KANK1: variants seen among roughly 807,000 people sequenced by gnomAD.
KANK1 encodes KN motif and ankyrin repeat domains 1, also known as KN motif and ankyrin repeat domain-containing protein 1.
KANK1 carries 109 observed loss-of-function variants against 106.2 expected under a neutral mutation model. That is an observed-to-expected ratio of 1.03 (90% CI 0.88 to 1.20). The LOEUF is 1.20. Ranked by LOEUF, KANK1 falls within the 50% of genes most tolerant of loss-of-function variation. KANK1 has a pLI of 0.00. For missense variants in KANK1, 2,399 were observed against 1,710.7 expected, an observed-to-expected ratio of 1.40 and a Z score of -7.10; for synonymous variants, 873 against 652.2, an observed-to-expected ratio of 1.34 and a Z score of -5.16.
At chr9:717,411 C>A (rs769705212) in intron 3 of KANK1, among the ~76,000 whole-genome samples, 2 of 152,220 alleles carry the variant, frequency 1.3e-5, no homozygotes, top group African/African-American at 4.8e-5. Context: ...TCCATGCTTG[C>A]ACGTCTGTAT....
chr9:615,980 G>A (rs544704781), intron 1 of KANK1, among the ~76,000 whole-genome samples: 5 of 152,280 alleles, frequency 3.3e-5, no homozygotes, highest in African/African-American at 9.6e-5. Context: ...GCCCAGACAA[G>A]CCTCTTGAGG....
At chr9:657,212 T>C (rs116372046) in intron 1 of KANK1, among the ~76,000 whole-genome samples, 93 of 152,344 alleles carry the variant, frequency 6.1e-4, no homozygotes, top group African/African-American at 2.1e-3. Context: ...ATTTCCTTTT[T>C]TGTAGGCTAG....
At chr9:507,073 C>T (rs7047249) in intron 1 of KANK1, among the ~76,000 whole-genome samples, 3,305 of 151,528 alleles carry the variant, frequency 0.022, 123 homozygotes, top group South Asian at 0.11. Context: ...GAAAAGTCAA[C>T]TTGTTTTCAA....
At chr9:741,543 A>G (rs1835531424) in intron 9 of KANK1, among the ~76,000 whole-genome samples, 1 of 145,874 alleles carries the variant, frequency 6.9e-6, no homozygotes, top group Non-Finnish European at 1.5e-5. Context: ...GCTGGAGTGC[A>G]GTGGTGCGAT....
intron 3 of KANK1, among the ~76,000 whole-genome samples, chr9:485,202 G>C (rs1324924756): frequency 6.6e-6 from 1 of 152,192 alleles, no homozygotes; most frequent in African/African-American, 2.4e-5. Context: ...TGGCCAATCA[G>C]AGCATCACAT....
chr9:729,642 A>G (rs763147132), intron 3 of KANK1, among the ~76,000 whole-genome samples: 89 of 152,226 alleles, frequency 5.8e-4, no homozygotes, highest in Non-Finnish European at 8.7e-4. Context: ...AGTGTGGACT[A>G]CATTTCCTGA....
At chr9:498,134 A>G (rs1293347729) in intron 3 of KANK1, among the ~76,000 whole-genome samples, 2 of 152,236 alleles carry the variant, frequency 1.3e-5, no homozygotes, top group African/African-American at 4.8e-5. Flanking sequence ...ACTTAATGAA[A>G]GAGGCACAGG....
intron 1 of KANK1, among the ~76,000 whole-genome samples, chr9:645,388 C>T (rs1839437627): frequency 3.0e-5 from 4 of 133,510 alleles, no homozygotes; most frequent in South Asian, 2.4e-4. Context: ...TGTAGTGATC[C>T]AAGATCATAC....
At chr9:648,419 C>A (rs958023920) in intron 1 of KANK1, among the ~76,000 whole-genome samples, 11 of 152,154 alleles carry the variant, frequency 7.2e-5, no homozygotes, top group Admixed American at 2.6e-4. Context: ...AGATTTGCCA[C>A]CTCTGGGTCA....
chr9:488,584 A>G (rs886273123), intron 3 of KANK1, among the ~76,000 whole-genome samples: 14 of 152,208 alleles, frequency 9.2e-5, no homozygotes, highest in Non-Finnish European at 1.9e-4. Flanking sequence ...AGCAGTTCTG[A>G]TAACATCCTT....
chr9:646,019 T>C (rs1344540022), intron 1 of KANK1, among the ~76,000 whole-genome samples: 3 of 150,854 alleles, frequency 2.0e-5, no homozygotes, highest in Non-Finnish European at 2.9e-5. Flanking sequence ...GTCTGAGGCA[T>C]AGTAGTAGAC....
chr9:735,919 C>T (rs113013001), intron 7 of KANK1: 8 of 238,736 alleles, frequency 3.4e-5, no homozygotes, highest in African/African-American at 1.1e-4. Flanking sequence ...TGCTTGCACC[C>T]GGGAGGTGGT....
chr9:629,891 A>G (rs968467843), intron 1 of KANK1, among the ~76,000 whole-genome samples: 3 of 152,214 alleles, frequency 2.0e-5, no homozygotes, highest in African/African-American at 4.8e-5. Context: ...GCACTGTACT[A>G]CGCACTTTGT....
chr9:606,142 TACACACACACACACACACACACACAC>T (rs3028170), intron 1 of KANK1, among the ~76,000 whole-genome samples: 1 of 141,754 alleles, frequency 7.1e-6, no homozygotes, highest in African/African-American at 2.8e-5. Context: ...CACATATTCC[TACACACACACACACACACACACACAC>T]ACACACACAC....
At chr9:673,235 G>T (rs1373496028) in intron 1 of KANK1, among the ~76,000 whole-genome samples, 4 of 135,388 alleles carry the variant, frequency 3.0e-5, no homozygotes, top group Admixed American at 7.8e-5. Context: ...TTGAGACAGG[G>T]TCTCTCACTC....
At chr9:612,971 C>T (rs887018679) in intron 1 of KANK1, among the ~76,000 whole-genome samples, 2 of 151,992 alleles carry the variant, frequency 1.3e-5, no homozygotes, top group African/African-American at 4.8e-5. Context: ...CAGCAAATAA[C>T]ACTAATGTGT....
chr9:738,753 C>G (rs1323830734), intron 8 of KANK1, among the ~76,000 whole-genome samples: 2 of 152,204 alleles, frequency 1.3e-5, no homozygotes, highest in Non-Finnish European at 2.9e-5. Flanking sequence ...TGCTGCAGTT[C>G]AGCTGCATTC....
intron 2 of KANK1, among the ~76,000 whole-genome samples, chr9:679,227 C>T (rs1817022103): frequency 6.6e-6 from 1 of 152,068 alleles, no homozygotes; most frequent in African/African-American, 2.4e-5. Context: ...TTATTCTAGT[C>T]ACCATGACCC....
At chr9:556,970 G>A (rs1405729246) in intron 1 of KANK1, among the ~76,000 whole-genome samples, 2 of 152,108 alleles carry the variant, frequency 1.3e-5, no homozygotes, top group African/African-American at 4.8e-5. Context: ...AGTTCTTGAA[G>A]ATAAGAAATT....
Sources: gnomAD v4.1 joint callset for allele counts (sites outside exome capture counted in the v4.1 genomes callset) on GRCh38, gnomAD v4.1.1 for gene constraint, MANE v1.5 for transcripts, NCBI Gene and HGNC (gene_info 2026-07-23, HGNC 2026-07-21) for gene names.